SLC25A12: variants seen among roughly 807,000 people sequenced by gnomAD.
The protein encoded by SLC25A12 is solute carrier family 25 member 12, also known as electrogenic aspartate/glutamate antiporter SLC25A12, mitochondrial.
A neutral mutation model predicts 83.3 loss-of-function variants in SLC25A12; 32 were observed. The ratio of observed to expected loss-of-function variants is 0.38; its 90% CI spans 0.29 to 0.52. The LOEUF (loss-of-function observed/expected upper bound fraction) is 0.52, where lower values mean the gene tolerates loss of function less well. Among genes scored for constraint, SLC25A12 ranks in the 20% least tolerant of loss-of-function variants. SLC25A12 has a pLI of 0.84. For missense variants in SLC25A12, 611 were observed against 835.6 expected, an observed-to-expected ratio of 0.73 and a Z score of 3.31; for synonymous variants, 267 against 291.1, an observed-to-expected ratio of 0.92 and a Z score of 0.84.
chr2:171,799,970 C>A (rs1013313102), intron 13 of SLC25A12, among the ~76,000 whole-genome samples: 1 of 152,056 alleles, frequency 6.6e-6, no homozygotes, highest in African/African-American at 2.4e-5. Context: ...ATCTCTGATT[C>A]GAGTTTAACA....
intron 8 of SLC25A12, among the ~76,000 whole-genome samples, chr2:171,833,577 C>A (rs1014752029): frequency 6.6e-6 from 1 of 152,148 alleles, no homozygotes; most frequent in Non-Finnish European, 1.5e-5. Context: ...AGCCTCTTTC[C>A]CACTTTATGA....
In SLC25A12 at chr2:171,834,354, A is replaced by G. The variant is rs1361005090; in HGVS notation, c.752-298T>C. The stretch of plus-strand genomic sequence containing the variant: ...CTTATTCACTTTGTTCTCCAGAGTT[A>G]TAATACAAAAAAAGTGGGTGTTCTC... On this transcript the variant is annotated intron_variant, in intron 7 of 17. Transcript: ENST00000422440. The G allele has an allele frequency of 6.3e-5, 27 of 428,670 alleles. No individual in the cohort carries two copies. The Admixed American group carries it at 1.0e-3, about 16-fold the overall frequency. 26.6% of individuals were successfully genotyped at this position (428,670 alleles called of 1,614,324 possible).
rs143671357 is a variant in SLC25A12, at chr2:171,879,486, A to G, written c.67-10663T>C. 9.8e-5 allele frequency among the ~76,000 whole-genome samples: 15 copies of G among 152,322 alleles called. No homozygotes were observed. The East Asian group carries it at 2.1e-3, about 22-fold the overall frequency. ...AGACCCTTATTAATCAATGAAATCA[A>G]TTGAAGCTACCATAATAAAGAAGAT... On this transcript the variant is annotated intron_variant, in intron 2 of 17. Transcript: ENST00000422440.
chr2:171,812,740 C>T (rs538132011), intron 11 of SLC25A12, among the ~76,000 whole-genome samples: 27 of 151,652 alleles, frequency 1.8e-4, no homozygotes, highest in Non-Finnish European at 3.7e-4. Flanking sequence ...TTTGACTGTA[C>T]ACCTCTGAGC....
intron 4 of SLC25A12, among the ~76,000 whole-genome samples, chr2:171,848,807 C>G (rs1684852662): frequency 6.6e-6 from 1 of 152,184 alleles, no homozygotes; most frequent in South Asian, 2.1e-4. Flanking sequence ...CTTTACCTAC[C>G]TCTAGAAGGG....
At chr2:171,837,623 C>T (rs1684585845) in intron 5 of SLC25A12, among the ~76,000 whole-genome samples, 1 of 152,146 alleles carries the variant, frequency 6.6e-6, no homozygotes, top group African/African-American at 2.4e-5. Flanking sequence ...TTTATCTCTC[C>T]TGCTTGAAGG....
intron 8 of SLC25A12, among the ~76,000 whole-genome samples, chr2:171,831,891 T>G (rs1684439101): frequency 9.2e-6 from 1 of 108,710 alleles, no homozygotes; most frequent in African/African-American, 3.2e-5. Context: ...AGAGCAAGAC[T>G]CTGTCTCAAA....
chr2:171,891,234 A>T (rs1685928424), intron 2 of SLC25A12, among the ~76,000 whole-genome samples: 1 of 151,936 alleles, frequency 6.6e-6, no homozygotes, highest in Non-Finnish European at 1.5e-5. Context: ...CGGAGGCAGA[A>T]GTTGCAGTGA....
intron 2 of SLC25A12, among the ~76,000 whole-genome samples, chr2:171,882,300 T>G (rs1408151953): frequency 6.6e-6 from 1 of 152,222 alleles, no homozygotes; most frequent in Non-Finnish European, 1.5e-5. Context: ...CTGACTCAAC[T>G]GAACAGTTCC....
At chr2:171,800,754 C>T (rs965329404) in intron 13 of SLC25A12, among the ~76,000 whole-genome samples, 2 of 152,128 alleles carry the variant, frequency 1.3e-5, no homozygotes, top group Admixed American at 6.5e-5. Flanking sequence ...TAAATTCGTA[C>T]GATGAAATAC....
chr2:171,877,138 C>T (rs1685590118), intron 2 of SLC25A12, among the ~76,000 whole-genome samples: 1 of 152,138 alleles, frequency 6.6e-6, no homozygotes, highest in African/African-American at 2.4e-5. Flanking sequence ...GATTAGAATC[C>T]TCATACATTT....
At chr2:171,811,384 C>T (rs1252340026) in intron 11 of SLC25A12, among the ~76,000 whole-genome samples, 2 of 152,220 alleles carry the variant, frequency 1.3e-5, no homozygotes, top group African/African-American at 2.4e-5. Context: ...TTCTAACCCT[C>T]GTGATTATCA....
chr2:171,813,001 C>G (rs1683979307), intron 11 of SLC25A12, among the ~76,000 whole-genome samples: 1 of 151,998 alleles, frequency 6.6e-6, no homozygotes, highest in African/African-American at 2.4e-5. Flanking sequence ...AAAAGCAGCT[C>G]TATATTTCTT....
chr2:171,893,231 G>A lies in SLC25A12; in HGVS notation c.40C>T (p.His14Tyr). 6.2e-7 allele frequency: 1 copy of A among 1,614,084 alleles called. No individual in the cohort carries two copies. Among genetic ancestry groups the A allele is most frequent in the East Asian group, 2.2e-5 (1 of 44,868 alleles). Residue 14 changes from histidine (H) to tyrosine (Y), a missense_variant, in exon 2 of 18, where the codon CAT becomes TAT. By Grantham distance (83) the His-to-Tyr change is moderately conservative. Transcript: ENST00000422440. ...KVQTTKRGDP[H>Y]ELRNIFLQYA... Reference sequence around the variant, plus strand: ...TGTAGAAATATGTTTCTTAACTCATGAGGATCCCCTCGCTTAGTTGTCTGC... The same window carrying A: ...TGTAGAAATATGTTTCTTAACTCATAAGGATCCCCTCGCTTAGTTGTCTGC...
intron 3 of SLC25A12, among the ~76,000 whole-genome samples, chr2:171,860,547 A>C (rs1685132652): frequency 6.6e-6 from 1 of 152,142 alleles, no homozygotes; most frequent in Non-Finnish European, 1.5e-5. Context: ...GGTTGCAGTG[A>C]GCCGAGATCG....
At chr2:171,878,457 A>G (rs769956749) in intron 2 of SLC25A12, among the ~76,000 whole-genome samples, 1 of 152,174 alleles carries the variant, frequency 6.6e-6, no homozygotes, top group Non-Finnish European at 1.5e-5. Flanking sequence ...TGCTTAGTGA[A>G]TTCTTCTGCT....
intron 2 of SLC25A12, among the ~76,000 whole-genome samples, chr2:171,876,076 C>T (rs554212688): frequency 3.9e-5 from 6 of 152,200 alleles, no homozygotes; most frequent in South Asian, 2.1e-4. Flanking sequence ...AAGGACACAG[C>T]GGCTAACAAA....
chr2:171,868,916 G>T, intron 2 of SLC25A12, 93 bp from the exon 3 acceptor site: 1 of 1,075,580 alleles, frequency 9.3e-7, no homozygotes, highest in Non-Finnish European at 1.4e-6. Context: ...TTAAAGGCCA[G>T]TATTAAAATC....
intron 4 of SLC25A12, among the ~76,000 whole-genome samples, chr2:171,846,598 G>T (rs923158383): frequency 6.6e-6 from 1 of 152,086 alleles, no homozygotes; most frequent in Non-Finnish European, 1.5e-5. Flanking sequence ...ACGAGGTCAG[G>T]AGTCAGAGAC....
Sources: gnomAD v4.1 joint callset for allele counts (sites outside exome capture counted in the v4.1 genomes callset) on GRCh38, gnomAD v4.1.1 for gene constraint, MANE v1.5 for transcripts, NCBI Gene and HGNC (gene_info 2026-07-23, HGNC 2026-07-21) for gene names.